Variants in TFIP11 observed in about 807,000 individuals in gnomAD.
The protein encoded by TFIP11 is tuftelin-interacting protein 11.
TFIP11 carries 86 observed loss-of-function variants against 96.8 expected under a neutral mutation model. That is an observed-to-expected ratio of 0.89 (90% CI 0.75 to 1.06). TFIP11 has a LOEUF of 1.06. Ranked by LOEUF, TFIP11 falls within the 50% of genes least tolerant of loss-of-function variation. The probability of loss-of-function intolerance (pLI) is 0.00; values close to 1 mark genes in which losing one functional copy is unlikely to be tolerated. For missense variants in TFIP11, 881 were observed against 1,076.7 expected (o/e 0.82, Z 2.54); for synonymous variants, 405 against 395.2 (o/e 1.02, Z -0.29).
At chr22:26,501,821 A>T in intron 8 of TFIP11, 79 bp downstream of exon 8, 2 of 1,129,906 alleles carry the variant, frequency 1.8e-6, no homozygotes, top group South Asian at 1.8e-5. Flanking sequence ...TAGCTAAAAG[A>T]TCCAAAAAAC....
chr22:26,506,176 G>C (rs1221908793), intron 6 of TFIP11, 127 bp downstream of exon 6: 2 of 1,017,042 alleles, frequency 2.0e-6, no homozygotes, highest in Non-Finnish European at 2.8e-6. Flanking sequence ...CAAATGTCTT[G>C]TGCTGGCAAA....
At chr22:26,504,820 A>T (rs756240758) in intron 6 of TFIP11, among the ~76,000 whole-genome samples, 22 of 152,302 alleles carry the variant, frequency 1.4e-4, no homozygotes, top group Admixed American at 3.3e-4. Context: ...TCACACCTAT[A>T]ATCCCAGCAC....
Position 26,510,116 on chromosome 22 carries a change from C to T in TFIP11, c.157G>A (p.Val53Met), listed in dbSNP as rs768551793. The T allele has an allele frequency of 1.2e-6, 2 of 1,614,158 alleles. No individual in the cohort carries two copies. Among genetic ancestry groups the T allele is most frequent in the East Asian group, 4.5e-5 (2 of 44,884 alleles). Reference sequence around the variant, plus strand: ...TCATCCGAGTCTCGCTCTGCCCACACCCCGTAGGTGGCTTCTTCCTTGGTC... The same window carrying T: ...TCATCCGAGTCTCGCTCTGCCCACATCCCGTAGGTGGCTTCTTCCTTGGTC... ...WQTKEEATYG[V>M]WAERDSDDER... The change falls in exon 4 of 15, where the codon GTG (valine) becomes ATG (methionine). Residue 53 changes from valine (V) to methionine (M), a missense_variant. Coordinates refer to ENST00000407690, the MANE Select transcript of TFIP11 (RefSeq NM_012143.4).
chr22:26,501,434 A>G (rs1322069874), intron 8 of TFIP11, among the ~76,000 whole-genome samples: 2 of 152,098 alleles, frequency 1.3e-5, no homozygotes, highest in African/African-American at 2.4e-5. Flanking sequence ...TTATATACAA[A>G]CTAACCAGCC....
intron 6 of TFIP11, among the ~76,000 whole-genome samples, chr22:26,505,492 T>A (rs1923286659): frequency 6.6e-6 from 1 of 152,174 alleles, no homozygotes; most frequent in Admixed American, 6.5e-5. Flanking sequence ...CAAATGACTC[T>A]GGGACCAAGA....
chr22:26,506,876 C>G lies in TFIP11; in HGVS notation c.262G>C (p.Gly88Arg), dbSNP rs1194849259. ...VNFISAGLKK[G>R]AAEEAELEDS... ...TCCAACTCTGCCTCCTCCGCTGCCC[C>G]TTTCTTGAGCCCTGCGCTGATGAAG... is the stretch of plus-strand genomic sequence containing the variant. The change falls in exon 5 of 15, where the codon GGG (glycine) becomes CGG (arginine). Residue 88 changes from glycine (G) to arginine (R), a missense_variant. Coordinates refer to ENST00000407690, the MANE Select transcript of TFIP11 (RefSeq NM_012143.4). The G allele has an allele frequency of 6.2e-7, 1 of 1,614,106 alleles. No individual in the cohort carries two copies. Among genetic ancestry groups the G allele is most frequent in the African/African-American group, 1.3e-5 (1 of 74,942 alleles).
Position 26,499,226 on chromosome 22 carries a change from T to A in TFIP11, c.1207A>T (p.Ile403Phe). 6.2e-7 allele frequency: 1 copy of A among 1,614,022 alleles called. No individual in the cohort carries two copies. The highest frequency in any genetic ancestry group is 2.2e-5 in the East Asian group (1 of 44,876). Residue 403 changes from isoleucine to phenylalanine, a missense_variant, in exon 9 of 15, where the codon ATC (isoleucine) becomes TTC (phenylalanine). Transcript: ENST00000407690. The part of the protein sequence containing the change: ...NPLTLDECAR[I>F]FETLQDKYYE... ...TACTTGTCCTGCAGGGTTTCGAAGATGCGGGCACACTCGTCCAGGGTGAGG... is the reference window on the plus strand; with the variant it reads ...TACTTGTCCTGCAGGGTTTCGAAGAAGCGGGCACACTCGTCCAGGGTGAGG...
At position 26,496,059 on chromosome 22, in the gene TFIP11, C is replaced by G; in HGVS notation, c.1849+14G>C. 1 of 1,610,864 alleles carries G rather than the reference C, an allele frequency of 6.2e-7. No individual in the cohort carries two copies. Among genetic ancestry groups the G allele is most frequent in the Non-Finnish European group, 8.5e-7 (1 of 1,178,170 alleles). ...AAGCTGCTGGGCTTGGAATGCATTT[C>G]CCCTTATCCTTACCCAGCTTGGGCA... is the stretch of plus-strand genomic sequence containing the variant. On this transcript the variant is annotated intron_variant, in intron 12 of 14. Transcript: ENST00000407690.
Position 26,492,584 on chromosome 22 carries a change from G to T in TFIP11, c.2159-216C>A. ...GTTCCTGGCTAGTATCTAGTAACCA[G>T]ATTATTAATATTCAACATTTTAAAA... On this transcript the variant is annotated intron_variant, in intron 14 of 14. Coordinates refer to ENST00000407690, the MANE Select transcript of TFIP11 (RefSeq NM_012143.4). 9 of 563,138 alleles carry T rather than the reference G, an allele frequency of 1.6e-5. No homozygotes were observed. The South Asian group carries it at 2.0e-4, about 12-fold the overall frequency. The allele number at this position is 563,138 out of a possible 1,614,324, so 34.9% of individuals were successfully genotyped here. A position where few individuals can be genotyped will look rare whatever the true frequency, so the allele number is the denominator to read the frequency against.
At chr22:26,502,961 A>G (rs1460841803) in intron 7 of TFIP11, among the ~76,000 whole-genome samples, 2 of 152,212 alleles carry the variant, frequency 1.3e-5, no homozygotes, top group Non-Finnish European at 2.9e-5. Context: ...CATTTATCAA[A>G]TAACTCTTTC....
chr22:26,492,458 C>T (rs1921343401), intron 14 of TFIP11, 90 bp from the exon 15 acceptor site: 1 of 1,249,024 alleles, frequency 8.0e-7, no homozygotes, highest in Non-Finnish European at 1.1e-6. Context: ...TTGGGTGTGC[C>T]AGAGTGCTTG....
intron 7 of TFIP11, 41 bp from the exon 8 acceptor site, chr22:26,502,093 C>T (rs1345913931): frequency 6.2e-7 from 1 of 1,613,156 alleles, no homozygotes; most frequent in South Asian, 1.1e-5. Flanking sequence ...AAGGAACAAC[C>T]ACTTTTTACC....
At chr22:26,504,979 G>C (rs1923226489) in intron 6 of TFIP11, among the ~76,000 whole-genome samples, 1 of 152,156 alleles carries the variant, frequency 6.6e-6, no homozygotes, top group African/African-American at 2.4e-5. Context: ...GGGAGGCTGA[G>C]GCAGGAGAAT....
intron 14 of TFIP11, 105 bp from the exon 15 acceptor site, chr22:26,492,473 T>A: frequency 1.0e-6 from 1 of 1,003,374 alleles, no homozygotes; most frequent in Non-Finnish European, 1.5e-6. Context: ...TGCTTGTGAC[T>A]CACTGAAGGG....
chr22:26,499,368 C>G lies in TFIP11; in HGVS notation c.1065G>C (p.Glu355Asp). The G allele has an allele frequency of 1.9e-6, 3 of 1,614,128 alleles. No individual in the cohort carries two copies. The highest frequency in any genetic ancestry group is 2.5e-6 in the Non-Finnish European group (3 of 1,179,972). ...ERDMVVNLFH[E>D]LEKMTEVLDH... is the part of the protein sequence containing the mutation. ...CCAGGACCTCGGTCATCTTCTCCAG[C>G]TCGTGGAAGAGGTTGACCACCATGT... Residue 355 changes from glutamate to aspartate, a missense_variant, in exon 9 of 15, where the codon GAG (glutamate) becomes GAC (aspartate). Glu to Asp is a conservative substitution (Grantham distance 45, BLOSUM62 2). Coordinates refer to ENST00000407690, the MANE Select transcript of TFIP11 (RefSeq NM_012143.4).
rs148804829 is a variant in TFIP11, at chr22:26,492,236, A to G, written c.2291T>C (p.Val764Ala). The G allele has an allele frequency of 1.2e-5, 20 of 1,614,074 alleles. No homozygotes were observed. The highest frequency in any genetic ancestry group is 1.6e-5 in the Non-Finnish European group (19 of 1,180,042). ...GTTCATGGGCACAGAGCTAGCGGCC[A>G]CGCCAATGCCCCTCTGAGCCATGTT... Reference protein sequence around the residue: ...AENMAQRGIGVAASSVPMNFK... With the variant: ...AENMAQRGIGAAASSVPMNFK... Residue 764 changes from valine to alanine, a missense_variant, in exon 15 of 15, where the codon GTG becomes GCG. Val to Ala is a moderately conservative substitution (Grantham distance 64). Coordinates refer to ENST00000407690, the MANE Select transcript of TFIP11 (RefSeq NM_012143.4).
chr22:26,494,642 A>G, intron 13 of TFIP11, 155 bp downstream of exon 13: 1 of 1,068,634 alleles, frequency 9.4e-7, no homozygotes, highest in Non-Finnish European at 1.3e-6. Flanking sequence ...TGTCCAATAA[A>G]TGGTGCCCAC....
chr22:26,496,145 G>A lies in TFIP11; in HGVS notation c.1777C>T (p.Gln593Ter). 1 of 1,614,010 alleles carries A rather than the reference G, an allele frequency of 6.2e-7. No individual in the cohort carries two copies. The highest frequency in any genetic ancestry group is 8.5e-7 in the Non-Finnish European group (1 of 1,180,034). ...GGAGTGAAGACATCCTTCCAGGGCT[G>A]GAGGATGAGCTTGGCAGAGGAGTCG... is the stretch of plus-strand genomic sequence containing the variant. ...PSDSSAKLIL[Q>*]PWKDVFTPGS... The change falls in exon 12 of 15, where the codon CAG (glutamine) becomes TAG (stop). Residue 593 changes from glutamine to a stop codon, truncating the protein, a stop_gained. Transcript: ENST00000407690. LOFTEE classifies it high-confidence loss of function.
In TFIP11 at chr22:26,510,135, C is replaced by T; in HGVS notation, c.138G>A (p.Lys46=). The part of the protein sequence containing the change: ...NPNRQRHWQT[K]EEATYGVWAE... ...CCCACACCCCGTAGGTGGCTTCTTC[C>T]TTGGTCTGCCAGTGGCGCTGTCGGT... The change falls in exon 4 of 15, where the codon AAG becomes AAA. Residue 46 remains lysine (K), a synonymous_variant. Transcript: ENST00000407690. 6.2e-7 allele frequency: 1 copy of T among 1,614,192 alleles called. No homozygotes were observed. The highest frequency in any genetic ancestry group is 8.5e-7 in the Non-Finnish European group (1 of 1,180,042).
Sources: allele counts gnomAD v4.1 joint callset (sites outside exome capture counted in the v4.1 genomes callset), GRCh38; gene constraint gnomAD v4.1.1; transcripts MANE v1.5; gene names NCBI Gene and HGNC (gene_info 2026-07-23, HGNC 2026-07-21).